Variants in CEP128 observed in about 807,000 individuals in gnomAD.
CEP128 encodes the protein centrosomal protein 128, also known as centrosomal protein 128kDa.
Under a neutral mutation model 156.7 loss-of-function variants are expected in CEP128, and 132 were observed. That is an observed-to-expected ratio of 0.84 (90% confidence interval 0.73 to 0.97). CEP128 has a LOEUF of 0.97. Among genes scored for constraint, CEP128 ranks in the 50% least tolerant of loss-of-function variants. The pLI is 0.00. For missense variants in CEP128, 1,252 were observed against 1,281.9 expected (o/e 0.98, Z 0.36); for synonymous variants, 469 against 448.9 (o/e 1.04, Z -0.57).
intron 19 of CEP128, among the ~76,000 whole-genome samples, chr14:80,691,526 G>A (rs969479442): frequency 6.6e-6 from 1 of 152,132 alleles, no homozygotes; most frequent in Non-Finnish European, 1.5e-5. Flanking sequence ...GTTAGGCAGG[G>A]AGAGAAAGAA....
chr14:80,573,703 C>T (rs2140422451), intron 20 of CEP128, among the ~76,000 whole-genome samples: 1 of 152,182 alleles, frequency 6.6e-6, no homozygotes, highest in South Asian at 2.1e-4. Context: ...GGGTGTAAAC[C>T]TAATTGGCTG....
At chr14:80,725,405 A>T (rs1177750065) in intron 19 of CEP128, among the ~76,000 whole-genome samples, 1 of 150,966 alleles carries the variant, frequency 6.6e-6, no homozygotes, top group Admixed American at 6.6e-5. Context: ...CCGGTCTCGA[A>T]CTCCTGACCT....
intron 19 of CEP128, among the ~76,000 whole-genome samples, chr14:80,684,258 G>C (rs1272425183): frequency 1.3e-5 from 2 of 151,996 alleles, no homozygotes; most frequent in Admixed American, 6.6e-5. Context: ...AAGGACAAAG[G>C]TGACATTACA....
intron 22 of CEP128, among the ~76,000 whole-genome samples, chr14:80,529,395 C>A (rs913046325): frequency 6.6e-6 from 1 of 152,188 alleles, no homozygotes; most frequent in Admixed American, 6.5e-5. Flanking sequence ...TAGATGATCA[C>A]TAGCTCATAG....
At chr14:80,941,767 A>T (rs190341003), upstream of CEP128, 1 of 152,670 alleles carries the variant, frequency 6.6e-6, no homozygotes, top group South Asian at 2.1e-4. Context: ...AGAGTACAGG[A>T]CCCCGCTGCC....
At chr14:80,601,045 G>A (rs1460961410) in intron 19 of CEP128, among the ~76,000 whole-genome samples, 6 of 151,306 alleles carry the variant, frequency 4.0e-5, no homozygotes, top group Non-Finnish European at 8.8e-5. Context: ...GCAATCCTAG[G>A]GCAATCATTA....
intron 22 of CEP128, 28 bp downstream of exon 22, chr14:80,530,781 T>C (rs1000126067): frequency 2.6e-6 from 4 of 1,511,200 alleles, no homozygotes; most frequent in Middle Eastern, 1.7e-4. Flanking sequence ...GATAAAATAC[T>C]GAAAGAGACA....
At chr14:80,634,144 A>C (rs1894083461) in intron 19 of CEP128, among the ~76,000 whole-genome samples, 1 of 152,238 alleles carries the variant, frequency 6.6e-6, no homozygotes, top group Admixed American at 6.5e-5. Flanking sequence ...AATTACTATA[A>C]GATTTAAGTT....
At chr14:80,821,683 T>C (rs1365612777) in intron 13 of CEP128, among the ~76,000 whole-genome samples, 1 of 151,544 alleles carries the variant, frequency 6.6e-6, no homozygotes, top group Non-Finnish European at 1.5e-5. Context: ...CATTTAATTT[T>C]TTTTTTTTAA....
intron 20 of CEP128, among the ~76,000 whole-genome samples, chr14:80,579,395 A>G (rs1245081294): frequency 6.6e-6 from 1 of 152,050 alleles, no homozygotes; most frequent in Non-Finnish European, 1.5e-5. Context: ...TACAAAACTG[A>G]AGCTAACATG....
At chr14:80,926,543 C>T (rs1462882891) in intron 2 of CEP128, among the ~76,000 whole-genome samples, 1 of 152,176 alleles carries the variant, frequency 6.6e-6, no homozygotes, top group Non-Finnish European at 1.5e-5. Context: ...CTGACCCAGC[C>T]CCAACTAGCT....
At chr14:80,643,569 G>A (rs1233560147) in intron 19 of CEP128, among the ~76,000 whole-genome samples, 1 of 152,112 alleles carries the variant, frequency 6.6e-6, no homozygotes, top group Non-Finnish European at 1.5e-5. Flanking sequence ...AATTAGTCGG[G>A]TGCAGCGGCG....
intron 2 of CEP128, among the ~76,000 whole-genome samples, chr14:80,946,943 C>T (rs749367136): frequency 2.0e-5 from 3 of 152,120 alleles, no homozygotes; most frequent in Non-Finnish European, 4.4e-5. Context: ...ATCACAAGAA[C>T]TGTTGTTTAA....
At chr14:80,737,834 G>A (rs1189137754) in intron 19 of CEP128, among the ~76,000 whole-genome samples, 1 of 152,154 alleles carries the variant, frequency 6.6e-6, no homozygotes, top group Non-Finnish European at 1.5e-5. Context: ...AGGCCGCAGT[G>A]AGCCAAGATG....
chr14:80,647,712 C>G (rs1002198257), intron 19 of CEP128, among the ~76,000 whole-genome samples: 1 of 151,988 alleles, frequency 6.6e-6, no homozygotes, highest in African/African-American at 2.4e-5. Flanking sequence ...GCTAAATAGC[C>G]TACAACGTGC....
downstream of CEP128, among the ~76,000 whole-genome samples, chr14:80,487,433 T>C (rs1887192141): frequency 6.6e-6 from 1 of 152,146 alleles, no homozygotes; most frequent in Non-Finnish European, 1.5e-5. Context: ...AATGGGAAAC[T>C]TTAATACCCC....
chr14:80,661,558 G>C (rs1489236269), intron 19 of CEP128, among the ~76,000 whole-genome samples: 1 of 152,112 alleles, frequency 6.6e-6, no homozygotes, highest in Non-Finnish European at 1.5e-5. Context: ...TATTTGTATA[G>C]CTAAGATGTC....
chr14:80,568,251 C>T (rs1200774870), intron 20 of CEP128, among the ~76,000 whole-genome samples: 1 of 152,114 alleles, frequency 6.6e-6, no homozygotes, highest in Non-Finnish European at 1.5e-5. Flanking sequence ...TACAGAGAAA[C>T]CCATATAACC....
chr14:80,738,099 A>G (rs558783789), intron 19 of CEP128, among the ~76,000 whole-genome samples: 2 of 152,336 alleles, frequency 1.3e-5, no homozygotes, highest in Admixed American at 6.5e-5. Flanking sequence ...TTTCTTCAGT[A>G]AGACAAATCT....
Sources: allele counts gnomAD v4.1 joint callset (sites outside exome capture counted in the v4.1 genomes callset), GRCh38; gene constraint gnomAD v4.1.1; transcripts MANE v1.5; gene names NCBI Gene and HGNC (gene_info 2026-07-23, HGNC 2026-07-21).